Variants in IL18R1 observed in about 807,000 individuals in gnomAD.
IL18R1 encodes interleukin-18 receptor 1.
In IL18R1, 40 loss-of-function variants were observed where a neutral mutation model predicts 48.5. The observed-to-expected ratio is 0.82, with a 90% CI of 0.64 to 1.07. IL18R1 has a LOEUF of 1.07. IL18R1 is among the 50% of genes least tolerant of loss of function. The pLI is 0.00. For synonymous variants in IL18R1, 232 were observed against 225.9 expected, an observed-to-expected ratio of 1.03 and a Z score of -0.24; for missense variants, 596 against 633.7, an observed-to-expected ratio of 0.94 and a Z score of 0.64.
In IL18R1 at chr2:102,367,892, G is replaced by A. The variant is rs56183212; in HGVS notation, c.126G>A (p.Ser42=). The A allele has an allele frequency of 6.3e-5, 101 of 1,613,866 alleles. No homozygotes were observed. Among genetic ancestry groups the A allele is most frequent in the East Asian group, 4.5e-4 (20 of 44,898 alleles). Residue 42 remains serine, a synonymous_variant, in exon 3 of 11, where the codon TCG becomes TCA. Coordinates refer to ENST00000233957, the MANE Select transcript of IL18R1 (RefSeq NM_003855.5). ...EGEPFYLKHC[S]CSLAHEIETT... ...AACCTTTCTATCTGAAACATTGCTC[G>A]TGTTCACTTGCACATGAGATTGAAA...
At chr2:102,391,892 C>A (rs965374052) in intron 9 of IL18R1, among the ~76,000 whole-genome samples, 1 of 151,874 alleles carries the variant, frequency 6.6e-6, no homozygotes, top group African/African-American at 2.4e-5. Context: ...GCCTATTGTT[C>A]CATGGGGCAA....
intron 3 of IL18R1, among the ~76,000 whole-genome samples, chr2:102,369,748 C>G (rs1559621005): frequency 1.3e-5 from 2 of 152,176 alleles, no homozygotes; most frequent in African/African-American, 4.8e-5. Context: ...AGACTTTACA[C>G]CTGAAAATTT....
In IL18R1 at chr2:102,368,053, A is replaced by G. The variant is rs1285639141; in HGVS notation, c.287A>G (p.Tyr96Cys). The G allele has an allele frequency of 1.7e-5, 28 of 1,614,076 alleles. No individual in the cohort carries two copies. The highest frequency in any genetic ancestry group is 2.3e-5 in the Non-Finnish European group (27 of 1,180,020). The change falls in exon 3 of 11, where the codon TAC becomes TGC. Residue 96 changes from tyrosine (Y) to cysteine (C), a missense_variant. Around this residue, in one of 3 missense-constraint regions of IL18R1, gnomAD observed 360 missense variants for 339.4 expected, o/e 1.06. Transcript: ENST00000233957. ...WPVELNDTGS[Y>C]FFQMKNYTQK... ...GTTGAGTTGAATGACACAGGATCTTACTTTTTCCAAATGAAGTGAGTAACC... is the reference window on the plus strand; with the variant it reads ...GTTGAGTTGAATGACACAGGATCTTGCTTTTTCCAAATGAAGTGAGTAACC...
rs1680910842 is a variant in IL18R1, at chr2:102,398,038, A to G, written c.*1152A>G. The G allele has an allele frequency of 6.6e-6, 1 of 152,288 alleles. No homozygotes were observed. Among genetic ancestry groups the G allele is most frequent in the African/African-American group, 2.4e-5 (1 of 41,458 alleles). The allele number at this position is 152,288 out of a possible 1,614,324, so 9.4% of individuals were successfully genotyped here. A position where few individuals can be genotyped will look rare whatever the true frequency, so the allele number is the denominator to read the frequency against. ...ATTTTTATTATCATTATTAATGATT[A>G]CTTAGATCAATTATTTAGCAGTGGA... On this transcript the variant is annotated 3_prime_UTR_variant, in exon 11 of 11. Transcript: ENST00000233957.
At chr2:102,365,682 T>C (rs545671385) in intron 2 of IL18R1, among the ~76,000 whole-genome samples, 2 of 152,314 alleles carry the variant, frequency 1.3e-5, no homozygotes, top group Non-Finnish European at 2.9e-5. Context: ...AGATTCTACA[T>C]GAGGGTTCCA....
intron 3 of IL18R1, 67 bp from the exon 4 acceptor site, chr2:102,371,886 G>A (rs1679284169): frequency 1.2e-6 from 1 of 844,222 alleles, no homozygotes. Context: ...GTTACTAAAG[G>A]GAAGATGGGT....
In IL18R1 at chr2:102,396,808, TCTTTA is replaced by T; in HGVS notation, c.1552_1556del (p.Tyr518AsnfsTer10). 4 of 1,613,844 alleles carry T rather than the reference TCTTTA, an allele frequency of 2.5e-6. No homozygotes were observed. Among genetic ancestry groups the T allele is most frequent in the Non-Finnish European group, 2.5e-6 (3 of 1,179,948 alleles). On this transcript the variant is annotated frameshift_variant, in exon 11 of 11. Transcript: ENST00000233957. LOFTEE classifies it low-confidence loss of function (END_TRUNC). The stretch of plus-strand genomic sequence containing the variant: ...ATAACTCAAGGTTCTGGAAGAACCT[TCTTTA>T]CTTAATGCCTGCAAAAACAGTCAAG...
chr2:102,377,208 A>G (rs750014993), intron 5 of IL18R1, among the ~76,000 whole-genome samples: 2 of 152,250 alleles, frequency 1.3e-5, no homozygotes, highest in Non-Finnish European at 1.5e-5. Flanking sequence ...ATGTTGCCAC[A>G]GTAACAAATT....
rs764688744 is a variant in IL18R1 at position 102,396,729 on chromosome 2, AG to A, written c.1470del (p.Lys490AsnfsTer3). 37 of 1,614,066 alleles carry A rather than the reference AG, an allele frequency of 2.3e-5. No individual in the cohort carries two copies. Among genetic ancestry groups the A allele is most frequent in the African/African-American group, 6.7e-5 (5 of 74,946 alleles). On this transcript the variant is annotated frameshift_variant, in exon 11 of 11. Coordinates refer to ENST00000233957, the MANE Select transcript of IL18R1 (RefSeq NM_003855.5). LOFTEE classifies it low-confidence loss of function (END_TRUNC). ...TDFTFLPQSL[K>X]LLKSHRVLKW... ...TTCACATTCTTGCCCCAATCACTAA[AG>A]CTTTTGAAATCTCACAGAGTTCTGA...
At chr2:102,357,611 A>G (rs1294120166) in intron 1 of IL18R1, among the ~76,000 whole-genome samples, 1 of 152,214 alleles carries the variant, frequency 6.6e-6, no homozygotes, top group African/African-American at 2.4e-5. Context: ...GGGCTTGGAC[A>G]TAGGCATGTG....
At position 102,373,611 on chromosome 2, in the gene IL18R1, T is replaced by TA. The variant is rs77264673; in HGVS notation, c.468+1503dup. Among the ~76,000 whole-genome samples, 652 of 149,070 alleles carry TA rather than the reference T, an allele frequency of 4.4e-3. 6 individuals are homozygous for TA. The highest frequency in any genetic ancestry group is 0.015 in the African/African-American group (600 of 40,404). On this transcript the variant is annotated intron_variant, in intron 4 of 10. Coordinates refer to ENST00000233957, the MANE Select transcript of IL18R1 (RefSeq NM_003855.5). ...ATATACCCCAGAACTTAAAGTATAA[T>TA]AAAAAAAAAAGCTCTTTTAGACCAC...
In IL18R1 at chr2:102,398,097, G is replaced by C. The variant is rs1214066002; in HGVS notation, c.*1211G>C. 1 of 152,390 alleles carries C rather than the reference G, an allele frequency of 6.6e-6. No homozygotes were observed. The highest frequency in any genetic ancestry group is 2.4e-5 in the African/African-American group (1 of 41,432). 9.4% of individuals were successfully genotyped at this position (152,390 alleles called of 1,614,324 possible). ...AGCTACAGAGCAGGGAAGGGAAGCAGATCTAGGGAGGAAGGCAGTTTTGAT... is the reference window on the plus strand; with the variant it reads ...AGCTACAGAGCAGGGAAGGGAAGCACATCTAGGGAGGAAGGCAGTTTTGAT... On this transcript the variant is annotated 3_prime_UTR_variant, in exon 11 of 11. Transcript: ENST00000233957.
intron 5 of IL18R1, among the ~76,000 whole-genome samples, chr2:102,379,503 G>A (rs989191707): frequency 5.3e-5 from 8 of 150,548 alleles, no homozygotes; most frequent in East Asian, 2.0e-4. Context: ...AGGGAAACCC[G>A]TTTTTTTCTT....
chr2:102,393,799 T>C (rs1215499312), intron 9 of IL18R1, among the ~76,000 whole-genome samples: 1 of 152,222 alleles, frequency 6.6e-6, no homozygotes, highest in Non-Finnish European at 1.5e-5. Context: ...AGGACCTGAC[T>C]CAAAATTTCC....
intron 9 of IL18R1, among the ~76,000 whole-genome samples, chr2:102,390,451 G>A (rs1443473587): frequency 6.6e-6 from 1 of 152,112 alleles, no homozygotes; most frequent in African/African-American, 2.4e-5. Flanking sequence ...GTGTATGTAT[G>A]TCATAGCTTC....
chr2:102,373,189 C>A (rs1211533624), intron 4 of IL18R1, among the ~76,000 whole-genome samples: 1 of 152,002 alleles, frequency 6.6e-6, no homozygotes, highest in African/African-American at 2.4e-5. Flanking sequence ...TTGTGGGTTG[C>A]CTGTTTATTT....
chr2:102,359,232 G>A (rs1159131544), intron 1 of IL18R1, among the ~76,000 whole-genome samples: 1 of 152,102 alleles, frequency 6.6e-6, no homozygotes, highest in Non-Finnish European at 1.5e-5. Context: ...CTATCTTCAT[G>A]TCAATCAAGA....
intron 6 of IL18R1, 77 bp from the exon 7 acceptor site, chr2:102,384,801 C>G: frequency 6.5e-7 from 1 of 1,541,762 alleles, no homozygotes; most frequent in Non-Finnish European, 8.8e-7. Flanking sequence ...GGTTAACATA[C>G]ATTGATTATA....
At chr2:102,386,223 G>C (rs182542303) in intron 7 of IL18R1, among the ~76,000 whole-genome samples, 1 of 152,274 alleles carries the variant, frequency 6.6e-6, no homozygotes, top group East Asian at 1.9e-4. Context: ...TGTCATTGGT[G>C]GGGGAAGTGG....
Sources: allele counts gnomAD v4.1 joint callset (sites outside exome capture counted in the v4.1 genomes callset), GRCh38; gene constraint gnomAD v4.1.1; regional missense constraint gnomAD v4.1.1; transcripts MANE v1.5; gene names NCBI Gene and HGNC (gene_info 2026-07-23, HGNC 2026-07-21).